Variants in TRIM71 observed in about 807,000 individuals in gnomAD.
TRIM71 encodes tripartite motif containing 71, also known as E3 ubiquitin-protein ligase TRIM71.
TRIM71 carries 9 observed loss-of-function variants against 61.2 expected under a neutral mutation model. The ratio of observed to expected loss-of-function variants is 0.15; its 90% confidence interval spans 0.09 to 0.26. The LOEUF is 0.26. Ranked by LOEUF, TRIM71 falls within the 10% of genes least tolerant of loss-of-function variation. TRIM71 has a pLI of 1.00. For missense variants in TRIM71, 998 were observed against 1,238.7 expected (o/e 0.81, Z 2.92); for synonymous variants, 645 against 553.2 (o/e 1.17, Z -2.33).
intron 1 of TRIM71, among the ~76,000 whole-genome samples, chr3:32,848,350 A>G (rs1696498628): frequency 3.3e-5 from 5 of 152,268 alleles, no homozygotes. Context: ...AATCCTGCCA[A>G]GGGAGTTTTG....
chr3:32,818,629 C>T lies in TRIM71; in HGVS notation c.549C>T (p.Gly183=). 1 of 1,458,088 alleles carries T rather than the reference C, an allele frequency of 6.9e-7. No individual in the cohort carries two copies. 90.3% of individuals were successfully genotyped at this position (1,458,088 alleles called of 1,614,324 possible). A position where few individuals can be genotyped will look rare whatever the true frequency, so the allele number is the denominator to read the frequency against. Residue 183 remains glycine, a synonymous_variant, in exon 1 of 4, where the codon GGC becomes GGT. Transcript: ENST00000383763. ...CGCCTTCCCGCTCGGCACCCGGCGG[C>T]CCTGCCGCTTCCCCGTCGGCGCTGC... ...PPAPSRSAPG[G]PAASPSALLL...
chr3:32,845,969 G>A (rs1465678354), intron 1 of TRIM71, among the ~76,000 whole-genome samples: 4 of 148,654 alleles, frequency 2.7e-5, no homozygotes, highest in Admixed American at 1.4e-4. Flanking sequence ...GATCCACCTG[G>A]CAGTTTGCAT....
At chr3:32,878,293 G>T (rs1434613036) in intron 2 of TRIM71, among the ~76,000 whole-genome samples, 1 of 152,208 alleles carries the variant, frequency 6.6e-6, no homozygotes, top group Admixed American at 6.5e-5. Context: ...CTGAGCGGTA[G>T]GTCTGAACAG....
At position 32,879,987 on chromosome 3, in the gene TRIM71, T is replaced by C. The variant is rs530454923; in HGVS notation, c.1021-5947T>C. Reference sequence around the variant, plus strand: ...AAAAAGAAAATGTGGGTTTTTCTTTTATTTTCTTTTTTATCTATGAAGTGC... The same window carrying C: ...AAAAAGAAAATGTGGGTTTTTCTTTCATTTTCTTTTTTATCTATGAAGTGC... On this transcript the variant is annotated intron_variant, in intron 2 of 3. Transcript: ENST00000383763. 2.1e-3 allele frequency among the ~76,000 whole-genome samples: 324 copies of C among 152,206 alleles called. 2 individuals carry two copies. Among genetic ancestry groups the C allele is most frequent in the African/African-American group, 7.5e-3 (312 of 41,544 alleles).
chr3:32,876,720 T>G (rs1040540287), intron 2 of TRIM71, among the ~76,000 whole-genome samples: 2 of 152,312 alleles, frequency 1.3e-5, no homozygotes, highest in Admixed American at 1.3e-4. Flanking sequence ...ATGCTGGTGC[T>G]CTCTGTGCTT....
intron 1 of TRIM71, among the ~76,000 whole-genome samples, chr3:32,857,722 G>A (rs1696621058): frequency 6.6e-6 from 1 of 152,198 alleles, no homozygotes; most frequent in African/African-American, 2.4e-5. Flanking sequence ...TGTAATCCCA[G>A]CACTTCAGGA....
chr3:32,870,612 GACCAGGA>G (rs1337764840), intron 1 of TRIM71, among the ~76,000 whole-genome samples: 1 of 152,146 alleles, frequency 6.6e-6, no homozygotes, highest in Non-Finnish European at 1.5e-5. Context: ...TACCTGTTCT[GACCAGGA>G]TTTTTTTCTG....
At position 32,892,069 on chromosome 3, in the gene TRIM71, C is replaced by T. The variant is rs1407124387; in HGVS notation, c.*258C>T. 1 of 429,376 alleles carries T rather than the reference C, an allele frequency of 2.3e-6. No individual in the cohort carries two copies. Among genetic ancestry groups the T allele is most frequent in the Non-Finnish European group, 4.0e-6 (1 of 249,656 alleles). 26.6% of individuals were successfully genotyped at this position (429,376 alleles called of 1,614,324 possible). A position where few individuals can be genotyped will look rare whatever the true frequency, so the allele number is the denominator to read the frequency against. Reference sequence around the variant, plus strand: ...GTGAAGTGATAATTTCTATCTACCTCATAAATCTTTACATTTCCTTCTGCA... The same window carrying T: ...GTGAAGTGATAATTTCTATCTACCTTATAAATCTTTACATTTCCTTCTGCA... On this transcript the variant is annotated 3_prime_UTR_variant, in exon 4 of 4. Coordinates refer to ENST00000383763, the MANE Select transcript of TRIM71 (RefSeq NM_001039111.3).
intron 2 of TRIM71, among the ~76,000 whole-genome samples, chr3:32,879,024 G>T (rs1178395873): frequency 6.6e-6 from 1 of 152,214 alleles, no homozygotes; most frequent in African/African-American, 2.4e-5. Flanking sequence ...GTAACTTGCT[G>T]CAGCTTCTAT....
intron 1 of TRIM71, among the ~76,000 whole-genome samples, chr3:32,866,087 A>G (rs1156558604): frequency 1.3e-5 from 2 of 151,624 alleles, no homozygotes; most frequent in Non-Finnish European, 2.9e-5. Flanking sequence ...CAGCCTCCCA[A>G]AGTGCTGGGA....
rs1165276070 is a variant in TRIM71 at position 32,892,373 on chromosome 3, G to GT, written c.*566dup. ...TATGGGGTTTAGATTATGTTGTGTT[G>GT]TTTTGATCTTTTTGGAAAATCTTCT... On this transcript the variant is annotated 3_prime_UTR_variant, in exon 4 of 4. Transcript: ENST00000383763. 3.9e-5 allele frequency: 6 copies of GT among 152,500 alleles called. No homozygotes were observed. In the East Asian group the frequency reaches 1.2e-3, roughly 29 times the overall value. 9.4% of individuals were successfully genotyped at this position (152,500 alleles called of 1,614,324 possible). A position where few individuals can be genotyped will look rare whatever the true frequency, so the allele number is the denominator to read the frequency against.
intron 1 of TRIM71, among the ~76,000 whole-genome samples, chr3:32,841,875 C>T (rs1437552071): frequency 1.3e-5 from 2 of 152,036 alleles, no homozygotes; most frequent in Admixed American, 1.3e-4. Flanking sequence ...TGCCATGTTG[C>T]CCAGGCTAGT....
intron 1 of TRIM71, among the ~76,000 whole-genome samples, chr3:32,861,269 C>A (rs1375945121): frequency 6.6e-6 from 1 of 151,134 alleles, no homozygotes; most frequent in Non-Finnish European, 1.5e-5. Flanking sequence ...CCTCCGCCTC[C>A]AGGTTCAAGC....
intron 1 of TRIM71, among the ~76,000 whole-genome samples, chr3:32,834,495 C>G (rs1696309522): frequency 6.6e-6 from 1 of 152,146 alleles, no homozygotes; most frequent in African/African-American, 2.4e-5. Flanking sequence ...CAATGAAAGG[C>G]ATTAAATATA....
At chr3:32,874,432 G>A (rs942973487) in intron 2 of TRIM71, among the ~76,000 whole-genome samples, 5 of 149,470 alleles carry the variant, frequency 3.3e-5, no homozygotes, top group African/African-American at 7.4e-5. Context: ...GTGTGATCTC[G>A]GCTAACCACA....
chr3:32,839,508 C>T (rs1019804620), intron 1 of TRIM71, among the ~76,000 whole-genome samples: 7 of 152,070 alleles, frequency 4.6e-5, no homozygotes, highest in East Asian at 1.9e-4. Context: ...GGGATTACAG[C>T]GTGAGCCACA....
Position 32,894,434 on chromosome 3 carries a change from G to A in TRIM71, c.*2623G>A, listed in dbSNP as rs1697058835. On this transcript the variant is annotated 3_prime_UTR_variant, in exon 4 of 4. Transcript: ENST00000383763. The stretch of plus-strand genomic sequence containing the variant: ...TTTCGCTCCATGGCTGAAATTATCA[G>A]GTCTTAATTTACAGACTTGTAAATT... 1 of 152,084 alleles carries A rather than the reference G, an allele frequency of 6.6e-6. No individual in the cohort carries two copies. Among genetic ancestry groups the A allele is most frequent in the Non-Finnish European group, 1.5e-5 (1 of 68,030 alleles). 9.4% of individuals were successfully genotyped at this position (152,084 alleles called of 1,614,324 possible). A position where few individuals can be genotyped will look rare whatever the true frequency, so the allele number is the denominator to read the frequency against.
intron 1 of TRIM71, among the ~76,000 whole-genome samples, chr3:32,819,724 C>T (rs1048177875): frequency 2.6e-5 from 4 of 152,202 alleles, no homozygotes; most frequent in African/African-American, 9.6e-5. Context: ...GTTACCTTCA[C>T]CAGCCTGAGT....
intron 1 of TRIM71, among the ~76,000 whole-genome samples, chr3:32,846,423 G>A (rs1696475608): frequency 6.6e-6 from 1 of 152,134 alleles, no homozygotes; most frequent in Admixed American, 6.5e-5. Flanking sequence ...TGTTTAGGGG[G>A]TACAATGTGA....
Sources: allele counts gnomAD v4.1 joint callset (sites outside exome capture counted in the v4.1 genomes callset), GRCh38; gene constraint gnomAD v4.1.1; transcripts MANE v1.5; gene names NCBI Gene and HGNC (gene_info 2026-07-23, HGNC 2026-07-21).